GFRA1: variants seen among roughly 807,000 people sequenced by gnomAD.
The protein encoded by GFRA1 is GDNF family receptor alpha-1.
In GFRA1, 16 loss-of-function variants were observed where a neutral mutation model predicts 51.6. That is an observed-to-expected ratio of 0.31 (90% confidence interval 0.21 to 0.47). The LOEUF (loss-of-function observed/expected upper bound fraction) is 0.47. Among genes scored for constraint, GFRA1 ranks in the 20% least tolerant of loss-of-function variants. The pLI, the probability that GFRA1 is intolerant of heterozygous loss-of-function variation, is 1.00. For missense variants in GFRA1, 530 were observed against 594.3 expected (o/e 0.89, Z 1.13); for synonymous variants, 270 against 241.3 (o/e 1.12, Z -1.10).
chr10:116,065,764 A>AT lies in GFRA1; in HGVS notation c.1198-139dup, dbSNP rs1375183994. On this transcript the variant is annotated intron_variant, in intron 9 of 10. Transcript: ENST00000355422. ...CTGTGAGCTCCATATATAATTGAACATTTTCTAGTAGCCATGTAATAAAGA... is the reference window on the plus strand; with the variant it reads ...CTGTGAGCTCCATATATAATTGAACATTTTTCTAGTAGCCATGTAATAAAGA... 12 of 673,960 alleles carry AT rather than the reference A, an allele frequency of 1.8e-5. No individual in the cohort carries two copies. The East Asian group carries it at 3.0e-4, about 17-fold the overall frequency. 41.7% of individuals were successfully genotyped at this position (673,960 alleles called of 1,614,324 possible).
chr10:116,198,626 C>T (rs1964083837), intron 5 of GFRA1, among the ~76,000 whole-genome samples: 1 of 152,164 alleles, frequency 6.6e-6, no homozygotes, highest in Non-Finnish European at 1.5e-5. Context: ...TCTCCCAAGC[C>T]CTGGTTTCCT....
At chr10:116,167,575 C>CTTTTT (rs35157891) in intron 5 of GFRA1, among the ~76,000 whole-genome samples, 1 of 148,424 alleles carries the variant, frequency 6.7e-6, no homozygotes, top group Non-Finnish European at 1.5e-5. Context: ...AACCAAAGTC[C>CTTTTT]TTTTTTTTTT....
chr10:116,166,162 T>C (rs1960377292), intron 5 of GFRA1, among the ~76,000 whole-genome samples: 1 of 152,210 alleles, frequency 6.6e-6, no homozygotes, highest in Non-Finnish European at 1.5e-5. Context: ...TATTCCATGG[T>C]ATATGTGTAC....
chr10:116,156,556 T>C (rs1959204156), intron 5 of GFRA1, among the ~76,000 whole-genome samples: 1 of 152,202 alleles, frequency 6.6e-6, no homozygotes, highest in Non-Finnish European at 1.5e-5. Context: ...CCATCCCCAC[T>C]CATTCTTTAT....
At chr10:116,201,643 T>C (rs1296649853) in intron 5 of GFRA1, among the ~76,000 whole-genome samples, 5 of 152,116 alleles carry the variant, frequency 3.3e-5, no homozygotes, top group Non-Finnish European at 7.3e-5. Flanking sequence ...CCTCCTGCAC[T>C]GGAAGAGGAC....
At chr10:116,265,718 G>A (rs1476270408) in intron 4 of GFRA1, among the ~76,000 whole-genome samples, 2 of 152,120 alleles carry the variant, frequency 1.3e-5, no homozygotes, top group African/African-American at 2.4e-5. Flanking sequence ...GCCTCTGAGC[G>A]CCCACACAGC....
At chr10:116,158,657 T>G (rs899823236) in intron 5 of GFRA1, among the ~76,000 whole-genome samples, 2 of 152,176 alleles carry the variant, frequency 1.3e-5, no homozygotes, top group African/African-American at 4.8e-5. Context: ...GACAGTGATG[T>G]CTAGCCACTG....
At chr10:116,235,387 A>C (rs1476475670) in intron 4 of GFRA1, among the ~76,000 whole-genome samples, 1 of 152,194 alleles carries the variant, frequency 6.6e-6, no homozygotes, top group Non-Finnish European at 1.5e-5. Context: ...CTAACAATGA[A>C]TAAAACGGTA....
At chr10:116,120,194 G>A (rs1439684131) in intron 6 of GFRA1, among the ~76,000 whole-genome samples, 1 of 152,234 alleles carries the variant, frequency 6.6e-6, no homozygotes, top group Non-Finnish European at 1.5e-5. Context: ...CTTGGGGACT[G>A]AGGACATAGA....
At chr10:116,081,441 T>C (rs1230337554) in intron 9 of GFRA1, among the ~76,000 whole-genome samples, 1 of 152,184 alleles carries the variant, frequency 6.6e-6, no homozygotes, top group Non-Finnish European at 1.5e-5. Flanking sequence ...CGATGAAAAA[T>C]GTTACCCAGA....
chr10:116,144,694 A>G (rs1200728220), intron 5 of GFRA1, among the ~76,000 whole-genome samples: 2 of 152,236 alleles, frequency 1.3e-5, no homozygotes, highest in East Asian at 3.8e-4. Flanking sequence ...ATGAAAATAA[A>G]TTCTAAATAA....
chr10:116,125,466 G>T lies in GFRA1; in HGVS notation c.525C>A (p.Ile175=). The T allele has an allele frequency of 6.2e-7, 1 of 1,614,080 alleles. No homozygotes were observed. Among genetic ancestry groups the T allele is most frequent in the Non-Finnish European group, 8.5e-7 (1 of 1,179,936 alleles). The change falls in exon 6 of 11, where the codon ATC becomes ATA. Residue 175 remains isoleucine (I), a synonymous_variant. Coordinates refer to ENST00000355422, the MANE Select transcript of GFRA1 (RefSeq NM_005264.8). Reference sequence around the variant, plus strand: ...TGGACACGCTGGTGGTGCACGGGGTGATGTACGCCGACCTGTACTTCTTGC... The same window carrying T: ...TGGACACGCTGGTGGTGCACGGGGTTATGTACGCCGACCTGTACTTCTTGC... ...DICKKYRSAY[I]TPCTTSVSND...
intron 4 of GFRA1, among the ~76,000 whole-genome samples, chr10:116,212,122 T>G (rs182951942): frequency 6.6e-6 from 1 of 152,184 alleles, no homozygotes; most frequent in Non-Finnish European, 1.5e-5. Context: ...GGAACAAGCA[T>G]GGTCAAAGTG....
At chr10:116,211,535 G>A in intron 5 of GFRA1, 96 bp downstream of exon 5, 1 of 1,148,034 alleles carries the variant, frequency 8.7e-7, no homozygotes, top group Non-Finnish European at 1.3e-6. Context: ...TGTCCATAGA[G>A]AACGGGAAAC....
At position 116,119,342 on chromosome 10, in the gene GFRA1, G is replaced by T. The variant is rs1188444260; in HGVS notation, c.770+5879C>A. On this transcript the variant is annotated intron_variant, in intron 6 of 10. Coordinates refer to ENST00000355422, the MANE Select transcript of GFRA1 (RefSeq NM_005264.8). The stretch of plus-strand genomic sequence containing the variant: ...GTAGCAGGCAGCTCGTGCAGGTGGG[G>T]CATATTAAAAACGAGCCATTCAGCA... Among the ~76,000 whole-genome samples the T allele has an allele frequency of 2.6e-5, 4 of 152,268 alleles. No individual in the cohort carries two copies. The East Asian group carries it at 5.8e-4, about 22-fold the overall frequency.
chr10:116,231,822 C>T (rs753244577), intron 4 of GFRA1, among the ~76,000 whole-genome samples: 2 of 152,182 alleles, frequency 1.3e-5, no homozygotes, highest in Non-Finnish European at 2.9e-5. Flanking sequence ...TTGCACAACA[C>T]CTAAATCGAC....
At chr10:116,151,782 G>A (rs904043685) in intron 5 of GFRA1, among the ~76,000 whole-genome samples, 1 of 152,190 alleles carries the variant, frequency 6.6e-6, no homozygotes, top group African/African-American at 2.4e-5. Context: ...ATTGAGGATC[G>A]ACTGTGTTCC....
At chr10:116,064,871 G>A (rs992205883) in intron 10 of GFRA1, among the ~76,000 whole-genome samples, 3 of 148,796 alleles carry the variant, frequency 2.0e-5, no homozygotes, top group Admixed American at 6.6e-5. Context: ...AGGGTTCCAC[G>A]TTGCACAGGT....
At chr10:116,241,024 A>G (rs1967319205) in intron 4 of GFRA1, among the ~76,000 whole-genome samples, 1 of 152,182 alleles carries the variant, frequency 6.6e-6, no homozygotes, top group South Asian at 2.1e-4. Context: ...TAAGCTCTCA[A>G]CCAATGTACT....
Sources: allele counts gnomAD v4.1 joint callset (sites outside exome capture counted in the v4.1 genomes callset), GRCh38; gene constraint gnomAD v4.1.1; transcripts MANE v1.5; gene names NCBI Gene and HGNC (gene_info 2026-07-23, HGNC 2026-07-21).